ECT2L: variants seen among roughly 807,000 people sequenced by gnomAD.
ECT2L encodes the protein epithelial cell-transforming sequence 2 oncogene-like.
Under a neutral mutation model 122.8 loss-of-function variants are expected in ECT2L, and 126 were observed. The observed-to-expected ratio is 1.03, with a 90% CI of 0.89 to 1.19. ECT2L has a LOEUF of 1.19. Ranked by LOEUF, ECT2L falls within the 50% of genes most tolerant of loss-of-function variation. The pLI is 0.00. For missense variants in ECT2L, 1,012 were observed against 1,064.1 expected, an observed-to-expected ratio of 0.95 and a Z score of 0.68; for synonymous variants, 385 against 381.8, an observed-to-expected ratio of 1.01 and a Z score of -0.10.
intron 9 of ECT2L, among the ~76,000 whole-genome samples, chr6:138,851,370 G>C (rs1004136371): frequency 2.0e-5 from 3 of 151,728 alleles, no homozygotes; most frequent in Non-Finnish European, 4.4e-5. Context: ...ATTTTTTAGA[G>C]ATGGGGTCCC....
At chr6:138,829,438 A>C (rs1464963475) in intron 4 of ECT2L, among the ~76,000 whole-genome samples, 1 of 152,182 alleles carries the variant, frequency 6.6e-6, no homozygotes. Flanking sequence ...ATTCAAATTC[A>C]AGTCAACAGG....
At chr6:138,833,404 G>T (rs1421029811) in intron 4 of ECT2L, among the ~76,000 whole-genome samples, 1 of 152,066 alleles carries the variant, frequency 6.6e-6, no homozygotes, top group African/African-American at 2.4e-5. Flanking sequence ...ATTGTTTTAG[G>T]AAAAACCCCT....
Position 138,822,985 on chromosome 6 carries a change from T to C in ECT2L, c.179+8382T>C, listed in dbSNP as rs546877027. 1.9e-6 allele frequency: 3 copies of C among 1,608,658 alleles called. No homozygotes were observed. In the South Asian group the frequency reaches 3.3e-5, roughly 18 times the overall value. On this transcript the variant is annotated intron_variant, in intron 4 of 21. Transcript: ENST00000541398. ...CAGAGAACCAAAACAGATGTGTACA[T>C]CCTGAATTTGGCTGTAGCAGATTTA...
chr6:138,849,321 G>A lies in ECT2L; in HGVS notation c.956G>A (p.Ser319Asn), dbSNP rs1582610323. ...AGVVSVVYEH[S>N]VTLESLLYLI... is the part of the protein sequence containing the mutation. ...GTTGTTTCTGTGGTATATGAACACA[G>A]CGTAACCTTGGAAAGCCTTCTGTAT... The change falls in exon 9 of 22, where the codon AGC becomes AAC. Residue 319 changes from serine (S) to asparagine (N), a missense_variant. Physicochemically the swap from Ser to Asn is conservative, Grantham distance 46 (BLOSUM62 1). Transcript: ENST00000541398. 1.2e-6 allele frequency: 2 copies of A among 1,614,080 alleles called. No individual in the cohort carries two copies. Among genetic ancestry groups the A allele is most frequent in the Non-Finnish European group, 1.7e-6 (2 of 1,180,010 alleles).
chr6:138,844,066 C>T (rs1189483758), intron 6 of ECT2L, among the ~76,000 whole-genome samples: 1 of 152,182 alleles, frequency 6.6e-6, no homozygotes, highest in Non-Finnish European at 1.5e-5. Flanking sequence ...GTTTTCTTCC[C>T]ACTAACCCTC....
At chr6:138,852,973 T>G (rs1420502781) in intron 9 of ECT2L, among the ~76,000 whole-genome samples, 1 of 152,166 alleles carries the variant, frequency 6.6e-6, no homozygotes, top group African/African-American at 2.4e-5. Context: ...TTGTTTATTT[T>G]TTGTTTTTGT....
chr6:138,896,625 GTCCATGTACTGAAACTC>G (rs1047877934), intron 20 of ECT2L, among the ~76,000 whole-genome samples: 1 of 152,234 alleles, frequency 6.6e-6, no homozygotes, highest in Middle Eastern at 3.4e-3. Context: ...ACCTGCTGTT[GTCCATGTACTGAAACTC>G]TCCATGTACT....
intron 4 of ECT2L, among the ~76,000 whole-genome samples, chr6:138,836,266 C>T (rs1030497478): frequency 2.0e-5 from 3 of 151,072 alleles, no homozygotes; most frequent in African/African-American, 7.3e-5. Context: ...AGCTTTCACC[C>T]ACTACTTTTA....
At chr6:138,895,576 T>C (rs1252496038) in intron 20 of ECT2L, among the ~76,000 whole-genome samples, 3 of 152,054 alleles carry the variant, frequency 2.0e-5, no homozygotes, top group Non-Finnish European at 4.4e-5. Context: ...TATATATATA[T>C]TTTTCTTTTT....
chr6:138,831,904 C>A (rs923904743), intron 4 of ECT2L, among the ~76,000 whole-genome samples: 6 of 151,974 alleles, frequency 3.9e-5, no homozygotes, highest in African/African-American at 1.4e-4. Flanking sequence ...AACTATAAAT[C>A]TTCCCCCCAG....
At chr6:138,896,474 G>C (rs990420370) in intron 20 of ECT2L, among the ~76,000 whole-genome samples, 1 of 152,136 alleles carries the variant, frequency 6.6e-6, no homozygotes, top group Admixed American at 6.5e-5. Context: ...CTATGCAACA[G>C]AGAAAATGTA....
intron 4 of ECT2L, among the ~76,000 whole-genome samples, chr6:138,835,798 C>T (rs912521599): frequency 6.6e-6 from 1 of 152,194 alleles, no homozygotes; most frequent in African/African-American, 2.4e-5. Context: ...TTCCTGATTG[C>T]TCCAGCAATG....
At chr6:138,884,587 G>A (rs568780527) in intron 16 of ECT2L, among the ~76,000 whole-genome samples, 10 of 152,102 alleles carry the variant, frequency 6.6e-5, no homozygotes, top group African/African-American at 1.7e-4. Flanking sequence ...GCAGTGAGCC[G>A]AGATTATGCC....
At chr6:138,874,771 GAC>G (rs1425041741) in intron 13 of ECT2L, among the ~76,000 whole-genome samples, 2 of 152,046 alleles carry the variant, frequency 1.3e-5, no homozygotes, top group Non-Finnish European at 2.9e-5. Context: ...TGTTTTTTGA[GAC>G]AGTCTCACTC....
intron 20 of ECT2L, among the ~76,000 whole-genome samples, chr6:138,897,771 C>T (rs1037488256): frequency 6.6e-6 from 1 of 152,182 alleles, no homozygotes; most frequent in African/African-American, 2.4e-5. Context: ...ATTCTAAGCT[C>T]AAGTTAGTGT....
In ECT2L at chr6:138,844,555, A is replaced by T. The variant is rs1322540046; in HGVS notation, c.739A>T (p.Thr247Ser). ...AGCTTTGGAGAAACAGCTTGTTTTG[A>T]CATCGTTAGAAACCTTGCCCAAGCG... is the stretch of plus-strand genomic sequence containing the variant. ...HEALEKQLVLTSLETLPKRSN... is the reference protein window; with the variant it reads ...HEALEKQLVLSSLETLPKRSN... Residue 247 changes from threonine (T) to serine (S), a missense_variant, in exon 7 of 22, where the codon ACA (threonine) becomes TCA (serine). Coordinates refer to ENST00000541398, the MANE Select transcript of ECT2L (RefSeq NM_001077706.3). The T allele has an allele frequency of 8.7e-6, 14 of 1,614,014 alleles. No individual in the cohort carries two copies. The highest frequency in any genetic ancestry group is 1.1e-5 in the Non-Finnish European group (13 of 1,180,022).
intron 1 of ECT2L, among the ~76,000 whole-genome samples, chr6:138,807,140 T>C (rs963886136): frequency 1.3e-5 from 2 of 150,438 alleles, no homozygotes; most frequent in African/African-American, 2.4e-5. Flanking sequence ...ACTCCACTAA[T>C]GGTTGTATTT....
chr6:138,902,245 T>C (rs1240894681), intron 21 of ECT2L, among the ~76,000 whole-genome samples: 1 of 152,216 alleles, frequency 6.6e-6, no homozygotes, highest in Non-Finnish European at 1.5e-5. Context: ...AGACAAGGAA[T>C]TAAAAAACAT....
At chr6:138,826,583 C>T (rs1776460343) in intron 4 of ECT2L, among the ~76,000 whole-genome samples, 1 of 151,986 alleles carries the variant, frequency 6.6e-6, no homozygotes, top group Admixed American at 6.6e-5. Flanking sequence ...AGGAGAACCT[C>T]TTGAACCCAG....
Sources: gnomAD v4.1 joint callset for allele counts (sites outside exome capture counted in the v4.1 genomes callset) on GRCh38, gnomAD v4.1.1 for gene constraint, MANE v1.5 for transcripts, NCBI Gene and HGNC (gene_info 2026-07-23, HGNC 2026-07-21) for gene names.